The following INVS variants were observed in gnomAD, a reference collection of about 807,000 sequenced individuals.
INVS encodes the protein inversin.
INVS carries 86 observed loss-of-function variants against 108.8 expected under a neutral mutation model. That is an observed-to-expected ratio of 0.79 (90% CI 0.66 to 0.95). INVS has a LOEUF of 0.95. Ranked by LOEUF, INVS falls within the 40% of genes least tolerant of loss-of-function variation. The probability of loss-of-function intolerance (pLI) is 0.00; values close to 1 mark genes in which losing one functional copy is unlikely to be tolerated. For synonymous variants in INVS, 455 were observed against 473.5 expected (o/e 0.96, Z 0.51); for missense variants, 1,169 against 1,297.4 (o/e 0.90, Z 1.52).
chr9:100,301,890 GTTTCTTGGTATA>G lies in INVS; in HGVS notation c.*1218_*1229del, dbSNP rs1833984883. Among the ~76,000 whole-genome samples, 1 of 152,080 alleles carries G rather than the reference GTTTCTTGGTATA, an allele frequency of 6.6e-6. No homozygotes were observed. Among genetic ancestry groups the G allele is most frequent in the Admixed American group, 6.6e-5 (1 of 15,256 alleles). ...GGATGGAATTACAAAGATTTAGCCA[GTTTCTTGGTATA>G]TAACAGAAGGTACCACAGTATCACT... On this transcript the variant is annotated 3_prime_UTR_variant, in exon 17 of 17. Coordinates refer to ENST00000262457, the MANE Select transcript of INVS (RefSeq NM_014425.5).
At chr9:100,201,912 A>G (rs1830543558) in intron 3 of INVS, among the ~76,000 whole-genome samples, 1 of 152,218 alleles carries the variant, frequency 6.6e-6, no homozygotes, top group Admixed American at 6.5e-5. Flanking sequence ...GGGCGCATAT[A>G]CTTAAAGAGG....
chr9:100,212,455 CTCT>C lies in INVS; in HGVS notation c.274-13603_274-13601del, dbSNP rs200057480. ...AAATCTATATCTTGAATCTAGCCAT[CTCT>C]TCTAATGTTCAGGTCTATATGTATC... On this transcript the variant is annotated intron_variant, in intron 3 of 16. Transcript: ENST00000262457. Among the ~76,000 whole-genome samples, 971 of 152,214 alleles carry C rather than the reference CTCT, an allele frequency of 6.4e-3. 11 individuals are homozygous for C. The highest frequency in any genetic ancestry group is 0.022 in the African/African-American group (900 of 41,536).
At chr9:100,104,406 A>G in intron 1 of INVS, 92 bp from the exon 2 acceptor site, 1 of 730,262 alleles carries the variant, frequency 1.4e-6, no homozygotes, top group South Asian at 1.5e-5. Flanking sequence ...TATTTCTAGT[A>G]AGCCATATTT....
intron 10 of INVS, among the ~76,000 whole-genome samples, chr9:100,255,777 G>T (rs993984171): frequency 2.6e-5 from 4 of 152,184 alleles, no homozygotes; most frequent in African/African-American, 9.7e-5. Flanking sequence ...CTTGATCATG[G>T]TGGATAAGCT....
chr9:100,194,416 A>G (rs760140599), intron 3 of INVS, among the ~76,000 whole-genome samples: 36 of 152,104 alleles, frequency 2.4e-4, no homozygotes, highest in Non-Finnish European at 1.9e-4. Context: ...CAAACTTGCT[A>G]AAGTTCTTCA....
At chr9:100,199,822 T>A (rs1830486741) in intron 3 of INVS, among the ~76,000 whole-genome samples, 1 of 152,198 alleles carries the variant, frequency 6.6e-6, no homozygotes, top group Admixed American at 6.5e-5. Flanking sequence ...TGCTTTGGAT[T>A]CACTGAGTTT....
chr9:100,244,999 A>G (rs769091671), intron 7 of INVS, among the ~76,000 whole-genome samples: 7 of 152,188 alleles, frequency 4.6e-5, no homozygotes, highest in Non-Finnish European at 1.0e-4. Flanking sequence ...TCATCAGTAA[A>G]ATAAGGAACT....
intron 3 of INVS, among the ~76,000 whole-genome samples, chr9:100,182,309 A>G (rs534913756): frequency 2.0e-5 from 3 of 152,344 alleles, no homozygotes; most frequent in African/African-American, 7.2e-5. Flanking sequence ...AAAAGACACT[A>G]TCAGCAGAGT....
At chr9:100,198,009 T>C (rs915619265) in intron 3 of INVS, among the ~76,000 whole-genome samples, 1 of 152,130 alleles carries the variant, frequency 6.6e-6, no homozygotes, top group South Asian at 2.1e-4. Flanking sequence ...TGTAACTAGG[T>C]CTGTGGGAGT....
intron 2 of INVS, among the ~76,000 whole-genome samples, chr9:100,115,266 C>T (rs1053869859): frequency 1.3e-5 from 2 of 150,816 alleles, no homozygotes; most frequent in Non-Finnish European, 3.0e-5. Flanking sequence ...TTTTGGCCAC[C>T]GTTTAATTTC....
At chr9:100,196,635 T>C (rs1293697717) in intron 3 of INVS, among the ~76,000 whole-genome samples, 2 of 150,854 alleles carry the variant, frequency 1.3e-5, no homozygotes, top group Non-Finnish European at 2.9e-5. Context: ...TAGCTTCTTA[T>C]GCTGGAATCT....
intron 3 of INVS, chr9:100,130,256 A>G (rs969843066): frequency 6.6e-6 from 1 of 151,926 alleles, no homozygotes; most frequent in Non-Finnish European, 1.5e-5. Context: ...CTCCCTATGC[A>G]TTTCTGTTTT....
chr9:100,270,281 A>T (rs1456546235), intron 11 of INVS, among the ~76,000 whole-genome samples: 1 of 152,206 alleles, frequency 6.6e-6, no homozygotes, highest in Non-Finnish European at 1.5e-5. Flanking sequence ...ATATTTACCC[A>T]ATTTTTTATG....
At chr9:100,241,060 A>G (rs1412868908) in intron 6 of INVS, among the ~76,000 whole-genome samples, 2 of 152,294 alleles carry the variant, frequency 1.3e-5, no homozygotes, top group Admixed American at 6.5e-5. Flanking sequence ...ACAGATACTC[A>G]TCACTCTTTT....
intron 13 of INVS, 83 bp from the exon 14 acceptor site, chr9:100,292,243 G>C: frequency 8.1e-7 from 1 of 1,238,848 alleles, no homozygotes; most frequent in Admixed American, 1.7e-5. Context: ...TATAGGCTAA[G>C]TCTGAATATT....
intron 3 of INVS, among the ~76,000 whole-genome samples, chr9:100,209,769 C>CAAAA (rs58556710): frequency 2.8e-5 from 2 of 72,296 alleles, no homozygotes; most frequent in African/African-American, 9.3e-5. Context: ...GACTCCGTCT[C>CAAAA]AAAAAAAAAA....
Position 100,302,154 on chromosome 9 carries a change from G to T in INVS, c.*1480G>T. On this transcript the variant is annotated 3_prime_UTR_variant, in exon 17 of 17. Transcript: ENST00000262457. ...CTTTTTCTTCAAATAAGATAGATGTGAATAAACAACTTCAAACAGGAGGTA... is the reference window on the plus strand; with the variant it reads ...CTTTTTCTTCAAATAAGATAGATGTTAATAAACAACTTCAAACAGGAGGTA... The T allele has an allele frequency of 7.9e-7, 1 of 1,258,970 alleles. No homozygotes were observed. Among genetic ancestry groups the T allele is most frequent in the Non-Finnish European group, 1.1e-6 (1 of 899,762 alleles). 78.0% of individuals were successfully genotyped at this position (1,258,970 alleles called of 1,614,324 possible).
At chr9:100,116,879 G>T in intron 2 of INVS, 3 of 1,264,620 alleles carry the variant, frequency 2.4e-6, no homozygotes, top group East Asian at 4.6e-5. Context: ...GAGGTCGGGG[G>T]TCAGGTAGCT....
chr9:100,267,099 T>C (rs551593114), intron 11 of INVS, among the ~76,000 whole-genome samples: 5 of 152,064 alleles, frequency 3.3e-5, no homozygotes, highest in Non-Finnish European at 7.4e-5. Flanking sequence ...TATAAAAATT[T>C]ATTCTGTGTA....
Sources: gnomAD v4.1 joint callset for allele counts (sites outside exome capture counted in the v4.1 genomes callset) on GRCh38, gnomAD v4.1.1 for gene constraint, MANE v1.5 for transcripts, NCBI Gene and HGNC (gene_info 2026-07-23, HGNC 2026-07-21) for gene names.